The following KDELR2 variants were observed in gnomAD, a reference collection of about 807,000 sequenced individuals.
The protein encoded by KDELR2 is KDEL endoplasmic reticulum protein retention receptor 2, also known as ER lumen protein-retaining receptor 2.
In KDELR2, 15 loss-of-function variants were observed where a neutral mutation model predicts 23.9. The observed-to-expected ratio is 0.63, with a 90% CI of 0.42 to 0.97. KDELR2 has a LOEUF of 0.97. KDELR2 is among the 50% of genes least tolerant of loss of function. The pLI is 0.00. For missense variants in KDELR2, 272 were observed against 254.6 expected (o/e 1.07, Z -0.46); for synonymous variants, 119 against 106.2 (o/e 1.12, Z -0.74).
chr7:6,464,619 GAGGCAGAGGTTGC>G (rs1006238148), intron 4 of KDELR2, among the ~76,000 whole-genome samples: 4 of 152,088 alleles, frequency 2.6e-5, no homozygotes, highest in African/African-American at 9.7e-5. Context: ...TTGAACTTGG[GAGGCAGAGGTTGC>G]AGTGAGCTGA....
In KDELR2 at chr7:6,462,911, C is replaced by T. The variant is rs906636891; in HGVS notation, c.*230G>A. 2 of 1,421,344 alleles carry T rather than the reference C, an allele frequency of 1.4e-6. No homozygotes were observed. The highest frequency in any genetic ancestry group is 2.3e-5 in the Admixed American group (1 of 42,558). 88.0% of individuals were successfully genotyped at this position (1,421,344 alleles called of 1,614,324 possible). A position where few individuals can be genotyped will look rare whatever the true frequency, so the allele number is the denominator to read the frequency against. On this transcript the variant is annotated 3_prime_UTR_variant, in exon 5 of 5. Transcript: ENST00000258739. ...AATTTATTAATACAGCATTAAGTTTCTTTGTGTAAAAAAATCTTTGTACAC... is the reference window on the plus strand; with the variant it reads ...AATTTATTAATACAGCATTAAGTTTTTTTGTGTAAAAAAATCTTTGTACAC...
At chr7:6,472,477 G>T (rs1214670019) in intron 2 of KDELR2, among the ~76,000 whole-genome samples, 1 of 152,176 alleles carries the variant, frequency 6.6e-6, no homozygotes, top group Non-Finnish European at 1.5e-5. Flanking sequence ...GGCATCCTGA[G>T]GGGGAGAGAG....
intron 1 of KDELR2, among the ~76,000 whole-genome samples, chr7:6,478,183 C>T (rs1209965568): frequency 6.6e-6 from 1 of 151,488 alleles, no homozygotes; most frequent in African/African-American, 2.4e-5. Flanking sequence ...TGAGACAGAA[C>T]CTCACTCAGT....
chr7:6,477,776 GTATTA>G (rs1785786968), intron 1 of KDELR2, among the ~76,000 whole-genome samples: 1 of 152,060 alleles, frequency 6.6e-6, no homozygotes, highest in African/African-American at 2.4e-5. Context: ...TCCCAATGAG[GTATTA>G]TATATTACAA....
Position 6,466,065 on chromosome 7 carries a change from A to G in KDELR2, c.604+6T>C, listed in dbSNP as rs1785496328. 1.9e-6 allele frequency: 3 copies of G among 1,613,646 alleles called. No homozygotes were observed. The highest frequency in any genetic ancestry group is 2.5e-6 in the Non-Finnish European group (3 of 1,179,794). ...CTAGAAACAACGCAGGTCGCACCCA[A>G]CATACCTTTTGTAATGTACAAGTAG... On this transcript the variant is annotated splice_donor_region_variant and intron_variant, in intron 4 of 4. Coordinates refer to ENST00000258739, the MANE Select transcript of KDELR2 (RefSeq NM_006854.4).
chr7:6,473,082 A>ATTTTTTTTTTTTTTTTTTTTTTTTTTT (rs1206035683), intron 2 of KDELR2, among the ~76,000 whole-genome samples: 1 of 94,888 alleles, frequency 1.1e-5, no homozygotes. Flanking sequence ...TAATTTTTGT[A>ATTTTTTTTTTTTTTTTTTTTTTTTTTT]TTTTTTTTTT....
chr7:6,479,840 T>C (rs1415656263), intron 1 of KDELR2, among the ~76,000 whole-genome samples: 1 of 152,228 alleles, frequency 6.6e-6, no homozygotes, highest in Non-Finnish European at 1.5e-5. Context: ...GCCTTGCACA[T>C]AGTGGGTGGT....
At chr7:6,466,785 C>T (rs1337696864) in intron 3 of KDELR2, among the ~76,000 whole-genome samples, 1 of 151,796 alleles carries the variant, frequency 6.6e-6, no homozygotes, top group East Asian at 1.9e-4. Flanking sequence ...CCCTCAGATG[C>T]ACAGTTCACA....
intron 2 of KDELR2, among the ~76,000 whole-genome samples, chr7:6,472,720 G>A (rs930897251): frequency 6.6e-6 from 1 of 152,092 alleles, no homozygotes; most frequent in South Asian, 2.1e-4. Flanking sequence ...CAAAATGTTG[G>A]GGGGAGGTTG....
intron 4 of KDELR2, among the ~76,000 whole-genome samples, chr7:6,465,181 C>CA (rs1392582927): frequency 7.5e-6 from 1 of 134,170 alleles, no homozygotes; most frequent in Non-Finnish European, 1.6e-5. Flanking sequence ...GCGTAAATAT[C>CA]TTTTTTTTTT....
intron 1 of KDELR2, 89 bp downstream of exon 1, chr7:6,483,878 G>C: frequency 9.3e-7 from 1 of 1,071,360 alleles, no homozygotes; most frequent in Non-Finnish European, 1.2e-6. Flanking sequence ...CGCAGGCCCC[G>C]CGAGCCGTGG....
intron 2 of KDELR2, 144 bp downstream of exon 2, chr7:6,474,040 T>G (rs1052653111): frequency 1.6e-5 from 9 of 570,586 alleles, no homozygotes; most frequent in Non-Finnish European, 1.5e-5. Context: ...TACAAGGTGG[T>G]CTGAAAGTTT....
At chr7:6,479,106 C>T (rs1321902711) in intron 1 of KDELR2, among the ~76,000 whole-genome samples, 1 of 151,628 alleles carries the variant, frequency 6.6e-6, no homozygotes. Context: ...GTACATTTTC[C>T]TATCATTTCA....
At chr7:6,473,222 T>G (rs1429622970) in intron 2 of KDELR2, among the ~76,000 whole-genome samples, 1 of 151,834 alleles carries the variant, frequency 6.6e-6, no homozygotes, top group Non-Finnish European at 1.5e-5. Context: ...TGGGCCTGTT[T>G]CATGTTTTTT....
intron 2 of KDELR2, among the ~76,000 whole-genome samples, chr7:6,472,831 AT>A (rs1293449490): frequency 6.6e-6 from 1 of 150,890 alleles, no homozygotes; most frequent in Non-Finnish European, 1.5e-5. Flanking sequence ...GGTGCTCAGT[AT>A]TTGTAGAAAG....
Position 6,484,046 on chromosome 7 carries a change from GA to G in KDELR2, c.11del (p.Phe4SerfsTer3). On this transcript the variant is annotated frameshift_variant, in exon 1 of 5. Coordinates refer to ENST00000258739, the MANE Select transcript of KDELR2 (RefSeq NM_006854.4). LOFTEE classifies it high-confidence loss of function. The stretch of plus-strand genomic sequence containing the variant: ...GGTGGGACAGGTCCCCAGTCAGCCG[GA>G]AAATGTTCATGGCGGCGGCGGCGGT... Reference protein sequence around the residue: MNIFRLTGDLSHLA... With the variant: MNIXRLTGDLSHLA... 3.3e-6 allele frequency: 5 copies of G among 1,518,926 alleles called. No individual in the cohort carries two copies. The highest frequency in any genetic ancestry group is 1.2e-5 in the South Asian group (1 of 82,898). The allele number at this position is 1,518,926 out of a possible 1,614,324, so 94.1% of individuals were successfully genotyped here.
intron 4 of KDELR2, among the ~76,000 whole-genome samples, chr7:6,464,022 C>T (rs1785443784): frequency 6.8e-6 from 1 of 147,406 alleles, no homozygotes; most frequent in Admixed American, 6.8e-5. Context: ...CATAGAGAAA[C>T]TCCATCTCTA....
chr7:6,467,121 T>C (rs10250654), intron 3 of KDELR2, among the ~76,000 whole-genome samples: 3,948 of 152,258 alleles, frequency 0.026, 152 homozygotes, highest in African/African-American at 0.086. Context: ...TCCAGGTTTA[T>C]TCTTCCCTCT....
At position 6,466,195 on chromosome 7, in the gene KDELR2, A is replaced by C. The variant is rs1247613504; in HGVS notation, c.480T>G (p.Ala160=). The part of the protein sequence containing the change: ...HYLFFLGLYR[A]LYLVNWIWRF... ...GCCAGATCCAGTTGACAAGATACAAAGCACGATAGAGGCCCAGGAAGAACA... is the reference window on the plus strand; with the variant it reads ...GCCAGATCCAGTTGACAAGATACAACGCACGATAGAGGCCCAGGAAGAACA... The change falls in exon 4 of 5, where the codon GCT becomes GCG. Residue 160 remains alanine (A), a synonymous_variant. Coordinates refer to ENST00000258739, the MANE Select transcript of KDELR2 (RefSeq NM_006854.4). 3 of 1,614,086 alleles carry C rather than the reference A, an allele frequency of 1.9e-6. No individual in the cohort carries two copies. Among genetic ancestry groups the C allele is most frequent in the Non-Finnish European group, 2.5e-6 (3 of 1,180,040 alleles).
Sources: allele counts gnomAD v4.1 joint callset (sites outside exome capture counted in the v4.1 genomes callset), GRCh38; gene constraint gnomAD v4.1.1; transcripts MANE v1.5; gene names NCBI Gene and HGNC (gene_info 2026-07-23, HGNC 2026-07-21).